The following USP13 variants were observed in gnomAD, a reference collection of about 807,000 sequenced individuals.
USP13 encodes the protein ubiquitin carboxyl-terminal hydrolase 13.
A neutral mutation model predicts 107.8 loss-of-function variants in USP13; 68 were observed. The ratio of observed to expected loss-of-function variants is 0.63; its 90% CI spans 0.52 to 0.77. The LOEUF is 0.77. USP13 is among the 30% of genes least tolerant of loss of function. The pLI, the probability that USP13 is intolerant of heterozygous loss-of-function variation, is 0.00. For missense variants in USP13, 945 were observed against 1,093.3 expected (o/e 0.86, Z 1.91); for synonymous variants, 377 against 389.5 (o/e 0.97, Z 0.38).
At position 179,719,532 on chromosome 3, in the gene USP13, T is replaced by TC. The variant is rs1444767419; in HGVS notation, c.806-402dup. Among the ~76,000 whole-genome samples, 3 of 151,888 alleles carry TC rather than the reference T, an allele frequency of 2.0e-5. No individual in the cohort carries two copies. The East Asian group carries it at 5.8e-4, about 29-fold the overall frequency. ...TGTGTTCTCTCTGTTCCCCCGGAGG[T>TC]CCCCCCTGCCGTGGCGGATGGCCGT... On this transcript the variant is annotated intron_variant, in intron 6 of 20. Transcript: ENST00000263966.
In USP13 at chr3:179,754,860, A is replaced by G. The variant is rs376555529; in HGVS notation, c.1921+6A>G. 3.1e-6 allele frequency: 5 copies of G among 1,605,990 alleles called. No homozygotes were observed. The highest frequency in any genetic ancestry group is 3.4e-6 in the Non-Finnish European group (4 of 1,176,586). ...CATTCCTGATGACTCAAAAGGTACC[A>G]TCTCCTGCCAGGAGAATATGCGCTA... On this transcript the variant is annotated splice_donor_region_variant and intron_variant, in intron 15 of 20. Transcript: ENST00000263966.
Position 179,742,376 on chromosome 3 carries a change from G to C in USP13, c.1534+26G>C, listed in dbSNP as rs1482128435. 11 of 1,613,482 alleles carry C rather than the reference G, an allele frequency of 6.8e-6. No individual in the cohort carries two copies. Among genetic ancestry groups the C allele is most frequent in the Non-Finnish European group, 9.3e-6 (11 of 1,179,578 alleles). Reference sequence around the variant, plus strand: ...GTAACAATTCCAAAGCGGGAAATTGGTACTGTGTGTCTTCATATGGGAAAA... The same window carrying C: ...GTAACAATTCCAAAGCGGGAAATTGCTACTGTGTGTCTTCATATGGGAAAA... On this transcript the variant is annotated intron_variant, in intron 12 of 20. Transcript: ENST00000263966. This position sits in a 1 kb window ranked among gnomAD's most constrained non-coding sequence, Gnocchi z 5.0.
intron 4 of USP13, among the ~76,000 whole-genome samples, chr3:179,704,461 C>T (rs1227023073): frequency 1.3e-5 from 2 of 152,180 alleles, no homozygotes; most frequent in African/African-American, 4.8e-5. Context: ...TCCTTCACGC[C>T]TGCCCTCTTC....
At chr3:179,659,931 A>G (rs893717706) in intron 1 of USP13, among the ~76,000 whole-genome samples, 2 of 152,070 alleles carry the variant, frequency 1.3e-5, no homozygotes, top group African/African-American at 4.8e-5. Flanking sequence ...AGTCCCAGCT[A>G]CTCAGGAGGC....
intron 10 of USP13, among the ~76,000 whole-genome samples, chr3:179,733,827 G>A (rs990927837): frequency 2.2e-4 from 34 of 152,210 alleles, no homozygotes; most frequent in African/African-American, 7.5e-4. Flanking sequence ...TCACTGATGC[G>A]GAAACGGATG....
At chr3:179,684,270 T>TACACACACACACACAC (rs58817778) in intron 2 of USP13, among the ~76,000 whole-genome samples, 5 of 115,946 alleles carry the variant, frequency 4.3e-5, no homozygotes, top group African/African-American at 1.3e-4. Flanking sequence ...TATCACCCTT[T>TACACACACACACACAC]ACACACACAC....
At chr3:179,702,788 A>G (rs889114302) in intron 4 of USP13, among the ~76,000 whole-genome samples, 1 of 152,218 alleles carries the variant, frequency 6.6e-6, no homozygotes, top group Non-Finnish European at 1.5e-5. Context: ...AAAATATATT[A>G]GTGGACAAAA....
rs771672840 is a variant in USP13 at position 179,721,072 on chromosome 3, G to C, written c.901-330G>C. Reference sequence around the variant, plus strand: ...GATCTGCCCACCTCAGCCTCCCAAAGTGTTGGGATTACAGGTGTGAACCGC... The same window carrying C: ...GATCTGCCCACCTCAGCCTCCCAAACTGTTGGGATTACAGGTGTGAACCGC... On this transcript the variant is annotated intron_variant, in intron 7 of 20. Transcript: ENST00000263966. This position sits in a 1 kb window ranked among gnomAD's most constrained non-coding sequence, Gnocchi z 4.3. Among the ~76,000 whole-genome samples the C allele has an allele frequency of 1.3e-5, 2 of 152,148 alleles. No homozygotes were observed. The highest frequency in any genetic ancestry group is 1.5e-5 in the Non-Finnish European group (1 of 68,022).
intron 15 of USP13, 58 bp from the exon 16 acceptor site, chr3:179,756,994 T>C: frequency 1.3e-6 from 2 of 1,596,514 alleles, no homozygotes; most frequent in Non-Finnish European, 1.7e-6. Flanking sequence ...GTTTTCTTTT[T>C]TCTAAAACTC....
At chr3:179,688,130 CATAT>C (rs72171017) in intron 2 of USP13, among the ~76,000 whole-genome samples, 75 of 45,580 alleles carry the variant, frequency 1.6e-3, no homozygotes, top group South Asian at 4.5e-3. Flanking sequence ...TCCATCCATC[CATAT>C]ATCCATCCAT....
intron 1 of USP13, among the ~76,000 whole-genome samples, chr3:179,663,014 A>C (rs1202283621): frequency 6.6e-6 from 1 of 152,112 alleles, no homozygotes; most frequent in Non-Finnish European, 1.5e-5. Context: ...CATCTTAACC[A>C]TTTTAAAATG....
In USP13 at chr3:179,765,810, C is replaced by T. The variant is rs750660005; in HGVS notation, c.2375C>T (p.Ala792Val). The T allele has an allele frequency of 6.2e-7, 1 of 1,614,088 alleles. No homozygotes were observed. Among genetic ancestry groups the T allele is most frequent in the Non-Finnish European group, 8.5e-7 (1 of 1,180,008 alleles). ...NNANANIISE[A>V]KPEGPRVKDG... Reference sequence around the variant, plus strand: ...GCCAATGCAAACATTATTTCTGAGGCCAAGCCCGAAGGACCTAGAGTCAAG... The same window carrying T: ...GCCAATGCAAACATTATTTCTGAGGTCAAGCCCGAAGGACCTAGAGTCAAG... Residue 792 changes from alanine (A) to valine (V), a missense_variant, in exon 19 of 21, where the codon GCC (alanine) becomes GTC (valine). Transcript: ENST00000263966.
chr3:179,654,908 A>C (rs543550477), intron 1 of USP13, among the ~76,000 whole-genome samples: 94 of 151,658 alleles, frequency 6.2e-4, no homozygotes, highest in African/African-American at 2.1e-3. Context: ...GAGGGATGAA[A>C]CCTAACTTAA....
intron 1 of USP13, among the ~76,000 whole-genome samples, chr3:179,681,489 G>T (rs1711650743): frequency 1.3e-5 from 2 of 152,322 alleles, no homozygotes; most frequent in East Asian, 1.9e-4. Flanking sequence ...AGGTGCAGGG[G>T]CTTAAACTAT....
At position 179,728,013 on chromosome 3, in the gene USP13, A is replaced by G. The variant is rs1293897109; in HGVS notation, c.1089-2176A>G. Among the ~76,000 whole-genome samples the G allele has an allele frequency of 1.9e-3, 84 of 43,246 alleles. 1 individual carries two copies. Among genetic ancestry groups the G allele is most frequent in the African/African-American group, 5.9e-3 (74 of 12,442 alleles). The allele number at this position is 43,246 out of a possible 152,430, so 28.4% of individuals were successfully genotyped here. ...TCCCTCCCAGACGGGGCGGCTGGCC[A>G]GGTGGGGGGCTGATCCCCACCACCT... On this transcript the variant is annotated intron_variant, in intron 8 of 20. Coordinates refer to ENST00000263966, the MANE Select transcript of USP13 (RefSeq NM_003940.3).
intron 1 of USP13, among the ~76,000 whole-genome samples, chr3:179,670,722 G>A (rs1720725059): frequency 6.6e-6 from 1 of 151,628 alleles, no homozygotes; most frequent in South Asian, 2.1e-4. Flanking sequence ...TTTTGAGACA[G>A]ATTCTCGCTC....
chr3:179,665,940 G>T (rs779377128), intron 1 of USP13, among the ~76,000 whole-genome samples: 9 of 152,146 alleles, frequency 5.9e-5, no homozygotes, highest in Non-Finnish European at 1.2e-4. Flanking sequence ...GGAGATTTTA[G>T]ACCTGGGAAT....
At position 179,667,720 on chromosome 3, in the gene USP13, C is replaced by T. The variant is rs140519708; in HGVS notation, c.169-14158C>T. ...GGAGTGCAATGGAGCAATCTCGGCT[C>T]GCCGCAACCTCTGTCTCCTGGGTTC... On this transcript the variant is annotated intron_variant, in intron 1 of 20. Transcript: ENST00000263966. Among the ~76,000 whole-genome samples the T allele has an allele frequency of 8.3e-3, 1,264 of 152,282 alleles. 29 individuals carry two copies. The highest frequency in any genetic ancestry group is 0.029 in the African/African-American group (1,220 of 41,534).
intron 10 of USP13, among the ~76,000 whole-genome samples, chr3:179,734,990 T>C (rs1713941009): frequency 6.6e-6 from 1 of 152,222 alleles, no homozygotes; most frequent in African/African-American, 2.4e-5. Context: ...AAGTCCTGTG[T>C]AAGCATTTGG....
Sources: gnomAD v4.1 joint callset for allele counts (sites outside exome capture counted in the v4.1 genomes callset) on GRCh38, gnomAD v4.1.1 for gene constraint, Gnocchi (gnomAD v3.1) non-coding constraint, MANE v1.5 for transcripts, NCBI Gene and HGNC (gene_info 2026-07-23, HGNC 2026-07-21) for gene names.